The following ADGRD1 variants were observed in gnomAD, a reference collection of about 807,000 sequenced individuals.
ADGRD1 encodes the protein adhesion G protein-coupled receptor D1, also known as G-protein coupled receptor 133.
ADGRD1 carries 77 observed loss-of-function variants against 113.4 expected under a neutral mutation model. That is an observed-to-expected ratio of 0.68 (90% CI 0.57 to 0.82). The LOEUF is 0.82. ADGRD1 is among the 40% of genes least tolerant of loss of function. The pLI, the probability that ADGRD1 is intolerant of heterozygous loss-of-function variation, is 0.00. For missense variants in ADGRD1, 1,036 were observed against 1,139.1 expected (o/e 0.91, Z 1.30); for synonymous variants, 474 against 475.0 (o/e 1.00, Z 0.03).
At chr12:131,120,984 G>A in intron 20 of ADGRD1, 71 bp downstream of exon 20, 1 of 1,406,892 alleles carries the variant, frequency 7.1e-7, no homozygotes, top group Non-Finnish European at 9.9e-7. Context: ...TGGGGCTCTG[G>A]AGATGGCGGG....
chr12:131,127,473 G>T (rs1299632293), intron 20 of ADGRD1, among the ~76,000 whole-genome samples: 2 of 152,114 alleles, frequency 1.3e-5, no homozygotes, highest in Admixed American at 6.5e-5. Context: ...TCATGTGGGT[G>T]TTGGTTGTGA....
rs1871578556 is a variant in ADGRD1, at chr12:130,971,124, C to T, written c.188-334C>T. On this transcript the variant is annotated intron_variant, in intron 3 of 24. Coordinates refer to ENST00000261654, the MANE Select transcript of ADGRD1 (RefSeq NM_198827.5). The surrounding 1 kb of genome is among the most constrained non-coding windows in gnomAD (Gnocchi z 4.2). ...CTGTTGGCAAATATCACAATTATCA[C>T]ATCATCATACGATATGATATGCAAT... 1 of 156,928 alleles carries T rather than the reference C, an allele frequency of 6.4e-6. No homozygotes were observed. The highest frequency in any genetic ancestry group is 1.4e-5 in the Non-Finnish European group (1 of 71,440). 9.7% of individuals were successfully genotyped at this position (156,928 alleles called of 1,614,324 possible).
At chr12:130,955,692 G>A (rs938126535) in intron 2 of ADGRD1, among the ~76,000 whole-genome samples, 1 of 152,190 alleles carries the variant, frequency 6.6e-6, no homozygotes, top group Non-Finnish European at 1.5e-5. Context: ...CTCTGCCCCC[G>A]CCCCACCAGA....
At chr12:131,044,381 C>G (rs1882460070) in intron 13 of ADGRD1, among the ~76,000 whole-genome samples, 1 of 152,180 alleles carries the variant, frequency 6.6e-6, no homozygotes, top group South Asian at 2.1e-4. Context: ...CCCGTCCACC[C>G]ACGAGTTCCC....
In ADGRD1 at chr12:131,057,977, GCTT is replaced by G. The variant is rs755072982; in HGVS notation, c.1474-18821_1474-18819del. On this transcript the variant is annotated intron_variant, in intron 13 of 24. Transcript: ENST00000261654. The surrounding 1 kb of genome is among the most constrained non-coding windows in gnomAD (Gnocchi z 4.2). ...CTTGTCTATGCACCAGGGAGAATGA[GCTT>G]CTGTTATTTTAACCTTTGTAACTTT... Among the ~76,000 whole-genome samples, 10 of 152,194 alleles carry G rather than the reference GCTT, an allele frequency of 6.6e-5. No homozygotes were observed. Among genetic ancestry groups the G allele is most frequent in the Non-Finnish European group, 1.5e-4 (10 of 68,038 alleles).
Position 131,113,073 on chromosome 12 carries a change from T to G in ADGRD1, c.2041+4196T>G, listed in dbSNP as rs540244953. Among the ~76,000 whole-genome samples, 18 of 152,186 alleles carry G rather than the reference T, an allele frequency of 1.2e-4. No homozygotes were observed. Among genetic ancestry groups the G allele is most frequent in the Non-Finnish European group, 5.9e-5 (4 of 68,022 alleles). On this transcript the variant is annotated intron_variant, in intron 18 of 24. Transcript: ENST00000261654. The surrounding 1 kb of genome is among the most constrained non-coding windows in gnomAD (Gnocchi z 4.9). ...GGGAGCTGGAGGGAGTGGAGCCCTG[T>G]CTTCTTGCCCACACCTACTTGGAGC...
rs772527595 is a variant in ADGRD1 at position 131,057,220 on chromosome 12, G to A, written c.1474-19581G>A. ...AGAACTGCACGGAACGCTGCCTGGC[G>A]AGCGCCTGCTGGTGTTTGAGAGAAG... On this transcript the variant is annotated intron_variant, in intron 13 of 24. Coordinates refer to ENST00000261654, the MANE Select transcript of ADGRD1 (RefSeq NM_198827.5). The surrounding 1 kb of genome is among the most constrained non-coding windows in gnomAD (Gnocchi z 4.2). Among the ~76,000 whole-genome samples, 3 of 152,176 alleles carry A rather than the reference G, an allele frequency of 2.0e-5. No individual in the cohort carries two copies. The highest frequency in any genetic ancestry group is 4.4e-5 in the Non-Finnish European group (3 of 68,034).
intron 13 of ADGRD1, among the ~76,000 whole-genome samples, chr12:131,043,803 C>T (rs1402547193): frequency 6.6e-6 from 1 of 152,236 alleles, no homozygotes; most frequent in Non-Finnish European, 1.5e-5. Flanking sequence ...GAGGGCGGGG[C>T]GCCCTGGTTC....
rs1950404470 is a variant in ADGRD1 at position 131,113,985 on chromosome 12, G to A, written c.2042-4400G>A. Among the ~76,000 whole-genome samples the A allele has an allele frequency of 6.6e-6, 1 of 152,110 alleles. No individual in the cohort carries two copies. Among genetic ancestry groups the A allele is most frequent in the East Asian group, 1.9e-4 (1 of 5,186 alleles). On this transcript the variant is annotated intron_variant, in intron 18 of 24. Transcript: ENST00000261654. The surrounding 1 kb of genome is among the most constrained non-coding windows in gnomAD (Gnocchi z 4.9). ...ATGTAATTTAGAGGCATACGTGCAT[G>A]TGTGCACGCACACACACGCACACAC...
intron 2 of ADGRD1, among the ~76,000 whole-genome samples, chr12:130,963,684 C>T (rs1337080061): frequency 3.3e-5 from 5 of 151,768 alleles, no homozygotes; most frequent in Non-Finnish European, 5.9e-5. Flanking sequence ...ATTTAGCCAG[C>T]GCTCTGTAGA....
chr12:131,098,279 T>C (rs1381377493), intron 15 of ADGRD1, among the ~76,000 whole-genome samples: 3 of 151,612 alleles, frequency 2.0e-5, no homozygotes, highest in Non-Finnish European at 4.4e-5. Context: ...GGGTCTTGCT[T>C]TCCCATGATG....
At chr12:131,047,129 C>G (rs1425261367) in intron 13 of ADGRD1, among the ~76,000 whole-genome samples, 2 of 152,216 alleles carry the variant, frequency 1.3e-5, no homozygotes, top group Non-Finnish European at 2.9e-5. Context: ...AGTGGCCTCC[C>G]TGGTCAGTGT....
intron 20 of ADGRD1, among the ~76,000 whole-genome samples, chr12:131,128,540 T>C (rs994670925): frequency 6.6e-6 from 1 of 152,182 alleles, no homozygotes; most frequent in Non-Finnish European, 1.5e-5. Flanking sequence ...ATTTAAAGAA[T>C]CTGATTTATG....
At chr12:131,105,287 C>T (rs752558442) in intron 16 of ADGRD1, among the ~76,000 whole-genome samples, 3 of 152,228 alleles carry the variant, frequency 2.0e-5, no homozygotes, top group Non-Finnish European at 4.4e-5. Flanking sequence ...TAAACAAAAG[C>T]GAGAACAAAC....
intron 18 of ADGRD1, among the ~76,000 whole-genome samples, chr12:131,116,154 C>T (rs549958752): frequency 4.6e-5 from 7 of 152,314 alleles, no homozygotes; most frequent in East Asian, 1.9e-4. Flanking sequence ...GACAGTGGGC[C>T]CCACCCTGTT....
intron 15 of ADGRD1, among the ~76,000 whole-genome samples, chr12:131,100,270 ATGG>A (rs1413535069): frequency 2.0e-5 from 3 of 151,488 alleles, no homozygotes; most frequent in Non-Finnish European, 4.4e-5. Context: ...AGGTTGGTTG[ATGG>A]TGGGTTTGGC....
intron 13 of ADGRD1, among the ~76,000 whole-genome samples, chr12:131,066,324 G>A (rs1392892310): frequency 6.6e-6 from 1 of 152,172 alleles, no homozygotes; most frequent in Non-Finnish European, 1.5e-5. Context: ...TCCCGCCGAC[G>A]CATCTGCACC....
chr12:131,113,399 A>G lies in ADGRD1; in HGVS notation c.2041+4522A>G, dbSNP rs574822259. ...GCCCTTGCCCATCCCAAGGGGTCCCAGTGAGCACTGGAGGCTCTAGGTTGG... is the reference window on the plus strand; with the variant it reads ...GCCCTTGCCCATCCCAAGGGGTCCCGGTGAGCACTGGAGGCTCTAGGTTGG... On this transcript the variant is annotated intron_variant, in intron 18 of 24. Coordinates refer to ENST00000261654, the MANE Select transcript of ADGRD1 (RefSeq NM_198827.5). The surrounding 1 kb of genome is among the most constrained non-coding windows in gnomAD (Gnocchi z 4.9). Among the ~76,000 whole-genome samples, 8 of 152,090 alleles carry G rather than the reference A, an allele frequency of 5.3e-5. No individual in the cohort carries two copies. Among genetic ancestry groups the G allele is most frequent in the Non-Finnish European group, 7.4e-5 (5 of 68,018 alleles).
At chr12:130,982,422 A>G (rs1455272566) in intron 5 of ADGRD1, among the ~76,000 whole-genome samples, 1 of 152,202 alleles carries the variant, frequency 6.6e-6, no homozygotes, top group Non-Finnish European at 1.5e-5. Context: ...TGGTGTGCAA[A>G]GTGCAAGCAG....
Sources: gnomAD v4.1 joint callset for allele counts (sites outside exome capture counted in the v4.1 genomes callset) on GRCh38, gnomAD v4.1.1 for gene constraint, Gnocchi (gnomAD v3.1) non-coding constraint, MANE v1.5 for transcripts, NCBI Gene and HGNC (gene_info 2026-07-23, HGNC 2026-07-21) for gene names.